The following XKR9 variants were observed in gnomAD, a reference collection of about 807,000 sequenced individuals.
XKR9 encodes XK related 9, also known as XK-related protein 9.
XKR9 carries 32 observed loss-of-function variants against 32.0 expected under a neutral mutation model. That is an observed-to-expected ratio of 1.00 (90% CI 0.76 to 1.34). The LOEUF (loss-of-function observed/expected upper bound fraction) is 1.34, where lower values mean the gene tolerates loss of function less well. XKR9 is among the 40% of genes most tolerant of loss of function. The pLI is 0.00. For missense variants in XKR9, 546 were observed against 429.7 expected, an observed-to-expected ratio of 1.27 and a Z score of -2.39; for synonymous variants, 168 against 143.4, an observed-to-expected ratio of 1.17 and a Z score of -1.22.
At chr8:71,050,232 C>CAG in the XKR9 span, among the ~76,000 whole-genome samples, 81 of 97,604 alleles carry the variant, frequency 8.3e-4, 1 homozygote, top group Middle Eastern at 6.5e-3. Flanking sequence ...TTATGCCTGG[C>CAG]AGAGATATAT....
chr8:70,872,408 C>G, the XKR9 span, among the ~76,000 whole-genome samples: 1 of 152,142 alleles, frequency 6.6e-6, no homozygotes, highest in Non-Finnish European at 1.5e-5. Context: ...AGGAAAGAAG[C>G]CATTTCCATT....
the XKR9 span, among the ~76,000 whole-genome samples, chr8:70,902,793 A>T: frequency 6.6e-6 from 1 of 152,192 alleles, no homozygotes; most frequent in African/African-American, 2.4e-5. Flanking sequence ...TTATTTTGAG[A>T]TAACGTCTCA....
At chr8:70,710,573 T>C (rs1270518330) in intron 4 of XKR9, among the ~76,000 whole-genome samples, 1 of 152,030 alleles carries the variant, frequency 6.6e-6, no homozygotes, top group East Asian at 1.9e-4. Flanking sequence ...TGTGGTGGCA[T>C]GTGCCTGTAA....
chr8:70,744,390 A>G (rs1204688790), intron 2 of XKR9, among the ~76,000 whole-genome samples: 1 of 152,094 alleles, frequency 6.6e-6, no homozygotes, highest in Non-Finnish European at 1.5e-5. Context: ...TCTCATCCCT[A>G]CTTATGACCC....
the XKR9 span, among the ~76,000 whole-genome samples, chr8:70,797,730 G>C: frequency 6.6e-6 from 1 of 152,010 alleles, no homozygotes; most frequent in Non-Finnish European, 1.5e-5. Flanking sequence ...TGAGGCCCTG[G>C]TGTCTGTTGT....
At chr8:70,830,482 G>C in the XKR9 span, among the ~76,000 whole-genome samples, 4 of 152,098 alleles carry the variant, frequency 2.6e-5, no homozygotes, top group Non-Finnish European at 5.9e-5. Flanking sequence ...AGCTACTCGG[G>C]AGGCTGAGGT....
chr8:71,056,517 T>C, the XKR9 span, among the ~76,000 whole-genome samples: 2 of 152,220 alleles, frequency 1.3e-5, no homozygotes, highest in Non-Finnish European at 2.9e-5. Context: ...TATGGTCATA[T>C]GGCCTGGGCT....
chr8:71,005,712 A>G, the XKR9 span, among the ~76,000 whole-genome samples: 226 of 152,364 alleles, frequency 1.5e-3, 3 homozygotes, highest in East Asian at 0.04. Flanking sequence ...TACTAGAAGG[A>G]AAATCAAGAG....
the XKR9 span, among the ~76,000 whole-genome samples, chr8:70,911,249 G>A: frequency 6.6e-6 from 1 of 152,176 alleles, no homozygotes. Context: ...AAGGAAAGGT[G>A]CTTGCCATTA....
chr8:70,901,971 A>T, the XKR9 span, among the ~76,000 whole-genome samples: 5 of 152,080 alleles, frequency 3.3e-5, no homozygotes, highest in African/African-American at 1.2e-4. Flanking sequence ...ATGGCTGTAG[A>T]TGTGGGGTAT....
chr8:70,729,190 G>A (rs1806578269), intron 4 of XKR9, among the ~76,000 whole-genome samples: 1 of 152,080 alleles, frequency 6.6e-6, no homozygotes, highest in Non-Finnish European at 1.5e-5. Context: ...GATTCTTATG[G>A]CACTTATGCA....
chr8:70,927,774 A>G, the XKR9 span, among the ~76,000 whole-genome samples: 2 of 152,190 alleles, frequency 1.3e-5, no homozygotes. Flanking sequence ...AAATATTCAA[A>G]ACATAACACT....
At chr8:70,976,899 T>G in the XKR9 span, among the ~76,000 whole-genome samples, 1 of 152,224 alleles carries the variant, frequency 6.6e-6, no homozygotes, top group Non-Finnish European at 1.5e-5. Flanking sequence ...TTTCAGAGCC[T>G]GTTATTGGTC....
At chr8:70,918,993 G>T in the XKR9 span, among the ~76,000 whole-genome samples, 1 of 151,758 alleles carries the variant, frequency 6.6e-6, no homozygotes, top group South Asian at 2.1e-4. Flanking sequence ...TTGCCAGGAT[G>T]GTCTCAATTT....
chr8:70,697,914 A>T (rs1158790686), intron 3 of XKR9, among the ~76,000 whole-genome samples: 4 of 151,836 alleles, frequency 2.6e-5, no homozygotes, highest in African/African-American at 7.2e-5. Context: ...TAGTCTTGGG[A>T]GGGTGTATGT....
chr8:71,051,059 AC>A, the XKR9 span, among the ~76,000 whole-genome samples: 1 of 150,690 alleles, frequency 6.6e-6, no homozygotes, highest in Non-Finnish European at 1.5e-5. Context: ...AAAAAAAAAA[AC>A]TAATGAAACA....
At chr8:70,889,830 C>CTA in the XKR9 span, among the ~76,000 whole-genome samples, 4 of 151,908 alleles carry the variant, frequency 2.6e-5, no homozygotes, top group Non-Finnish European at 2.9e-5. Flanking sequence ...TTGATAGGCA[C>CTA]TTAGGTTGAT....
At chr8:70,973,025 G>T in the XKR9 span, among the ~76,000 whole-genome samples, 3 of 152,206 alleles carry the variant, frequency 2.0e-5, no homozygotes, top group African/African-American at 7.2e-5. Context: ...TTTTGGAATA[G>T]CATCAATAGG....
chr8:71,015,617 G>A, the XKR9 span, among the ~76,000 whole-genome samples: 1 of 152,104 alleles, frequency 6.6e-6, no homozygotes, highest in African/African-American at 2.4e-5. Context: ...GCAGACTTAT[G>A]GGAAGGTGAC....
Sources: allele counts gnomAD v4.1 joint callset (sites outside exome capture counted in the v4.1 genomes callset), GRCh38; gene constraint gnomAD v4.1.1; transcripts MANE v1.5; gene names NCBI Gene and HGNC (gene_info 2026-07-23, HGNC 2026-07-21).